The following MBNL1 variants were observed in gnomAD, a reference collection of about 807,000 sequenced individuals.
The protein encoded by MBNL1 is muscleblind-like protein 1.
Under a neutral mutation model 42.2 loss-of-function variants are expected in MBNL1, and 8 were observed. That is an observed-to-expected ratio of 0.19 (90% CI 0.11 to 0.34). The LOEUF (loss-of-function observed/expected upper bound fraction) is 0.34. Among genes scored for constraint, MBNL1 ranks in the 10% least tolerant of loss-of-function variants. The pLI is 1.00. For missense variants in MBNL1, 309 were observed against 495.3 expected (o/e 0.62, Z 3.57); for synonymous variants, 169 against 173.9 (o/e 0.97, Z 0.22).
chr3:152,270,306 A>T (rs1220198634), intron 1 of MBNL1, among the ~76,000 whole-genome samples: 11 of 152,196 alleles, frequency 7.2e-5, no homozygotes, highest in Non-Finnish European at 1.5e-5. Flanking sequence ...TTAATACGCT[A>T]GGAGAGAAGT....
intron 1 of MBNL1, among the ~76,000 whole-genome samples, chr3:152,275,662 C>G (rs1176422798): frequency 7.8e-6 from 1 of 128,590 alleles, no homozygotes; most frequent in Non-Finnish European, 1.6e-5. Context: ...GAGCTGAGAT[C>G]ATGCCACTGC....
At chr3:152,451,014 G>A (rs1721780279) in intron 6 of MBNL1, among the ~76,000 whole-genome samples, 1 of 152,184 alleles carries the variant, frequency 6.6e-6, no homozygotes, top group Admixed American at 6.5e-5. Flanking sequence ...AGAATTAGAT[G>A]ATCAAGGAAT....
intron 1 of MBNL1, among the ~76,000 whole-genome samples, chr3:152,274,450 T>G (rs1271944447): frequency 6.6e-6 from 1 of 152,148 alleles, no homozygotes; most frequent in African/African-American, 2.4e-5. Flanking sequence ...AAAGTGATAT[T>G]TAATAAACAA....
At chr3:152,264,454 A>G (rs1322093016), upstream of MBNL1, 2 of 152,164 alleles carry the variant, frequency 1.3e-5, no homozygotes, top group Non-Finnish European at 2.9e-5. Flanking sequence ...CTTACATTAA[A>G]CTGGGGAAAC....
rs141603542 is a variant in MBNL1 at position 152,408,230 on chromosome 3, T to C, written c.175-6711T>C. Among the ~76,000 whole-genome samples, 364 of 152,300 alleles carry C rather than the reference T, an allele frequency of 2.4e-3. 1 individual carries two copies. The highest frequency in any genetic ancestry group is 8.3e-3 in the African/African-American group (347 of 41,568). ...TTAAACATAGTAGATACATAATATTTACTTATTAACAGGATATATACTATG... is the reference window on the plus strand; with the variant it reads ...TTAAACATAGTAGATACATAATATTCACTTATTAACAGGATATATACTATG... On this transcript the variant is annotated intron_variant, in intron 2 of 9. Transcript: ENST00000324210.
chr3:152,290,810 C>T (rs539059836), intron 1 of MBNL1, among the ~76,000 whole-genome samples: 19 of 152,122 alleles, frequency 1.2e-4, no homozygotes, highest in African/African-American at 4.1e-4. Flanking sequence ...GACATTGTAA[C>T]GGGAATAACA....
rs555440573 is a variant in MBNL1 at position 152,431,384 on chromosome 3, AG to A, written c.346-1330del. On this transcript the variant is annotated intron_variant, in intron 3 of 9. Transcript: ENST00000324210. ...ATTTTATTTTTCTAAATATAGAATC[AG>A]GGCCAGAGTGAATAGAGGATATATT... Among the ~76,000 whole-genome samples the A allele has an allele frequency of 1.7e-4, 26 of 152,352 alleles. No individual in the cohort carries two copies. In the East Asian group the frequency reaches 3.9e-3, roughly 23 times the overall value.
At chr3:152,312,870 T>A (rs950750046) in intron 2 of MBNL1, among the ~76,000 whole-genome samples, 1 of 152,206 alleles carries the variant, frequency 6.6e-6, no homozygotes, top group African/African-American at 2.4e-5. Context: ...GTAATAAAAA[T>A]TATTTTGTAG....
At chr3:152,267,867 T>C (rs1347522306), upstream of MBNL1, 3 of 152,222 alleles carry the variant, frequency 2.0e-5, no homozygotes, top group African/African-American at 4.8e-5. Context: ...AAGAATGTTG[T>C]ACCATATCCA....
At chr3:152,298,272 T>C (rs1283951628) in intron 1 of MBNL1, among the ~76,000 whole-genome samples, 1 of 152,194 alleles carries the variant, frequency 6.6e-6, no homozygotes, top group Non-Finnish European at 1.5e-5. Context: ...GTTTTCCTCA[T>C]TGGCAACATT....
intron 2 of MBNL1, among the ~76,000 whole-genome samples, chr3:152,300,583 GT>G (rs150097739): frequency 2.0e-5 from 3 of 150,926 alleles, no homozygotes; most frequent in East Asian, 1.9e-4. Context: ...TTCACTGCAT[GT>G]TTTTTTTTGC....
Position 152,325,087 on chromosome 3 carries a change from G to GCCCCCCCCTC in MBNL1, c.174+24728_174+24729insTCCCCCCCCC. 1.3e-4 allele frequency among the ~76,000 whole-genome samples: 2 copies of GCCCCCCCCTC among 15,380 alleles called. 1 individual carries two copies. Among genetic ancestry groups the GCCCCCCCCTC allele is most frequent in the East Asian group, 6.4e-3 (2 of 314 alleles). The allele number at this position is 15,380 out of a possible 152,430, so 10.1% of individuals were successfully genotyped here. ...TGTTCCCATGTAATGCCACATACCC[G>GCCCCCCCCTC]CCCCCCCCCGCCCGCTTTTTTTTCA... On this transcript the variant is annotated intron_variant, in intron 2 of 9. Transcript: ENST00000324210.
At chr3:152,395,297 T>A (rs1185235089) in intron 2 of MBNL1, among the ~76,000 whole-genome samples, 1 of 152,262 alleles carries the variant, frequency 6.6e-6, no homozygotes, top group Admixed American at 6.5e-5. Flanking sequence ...ACGGAGTGAC[T>A]AGTACATTTT....
intron 2 of MBNL1, among the ~76,000 whole-genome samples, chr3:152,310,081 A>G (rs1326967312): frequency 6.6e-6 from 1 of 152,202 alleles, no homozygotes; most frequent in Non-Finnish European, 1.5e-5. Context: ...ACCGCTGCAT[A>G]GTCAGTGTAG....
At chr3:152,365,546 A>G (rs528178472) in intron 2 of MBNL1, among the ~76,000 whole-genome samples, 11 of 152,250 alleles carry the variant, frequency 7.2e-5, no homozygotes, top group Admixed American at 2.0e-4. Flanking sequence ...AGAGGTTGCT[A>G]AAAGGATGTA....
intron 2 of MBNL1, among the ~76,000 whole-genome samples, chr3:152,409,338 A>G (rs1233481448): frequency 6.6e-6 from 1 of 152,152 alleles, no homozygotes; most frequent in African/African-American, 2.4e-5. Context: ...CAGGCATTAG[A>G]ATTGATAACT....
chr3:152,322,460 A>G (rs999604623), intron 2 of MBNL1, among the ~76,000 whole-genome samples: 2 of 152,190 alleles, frequency 1.3e-5, no homozygotes, highest in African/African-American at 4.8e-5. Context: ...AGGCTATGTC[A>G]CGGAAATGCA....
intron 2 of MBNL1, among the ~76,000 whole-genome samples, chr3:152,356,167 T>A (rs981490563): frequency 2.6e-5 from 4 of 152,124 alleles, no homozygotes; most frequent in Non-Finnish European, 4.4e-5. Flanking sequence ...AACTTATGCT[T>A]TATGCTCAGA....
chr3:152,302,854 G>T (rs954390599), intron 2 of MBNL1, among the ~76,000 whole-genome samples: 5 of 152,078 alleles, frequency 3.3e-5, no homozygotes, highest in African/African-American at 1.2e-4. Context: ...GAGGTGGCCT[G>T]TGTAATCTAC....
Sources: gnomAD v4.1 joint callset for allele counts (sites outside exome capture counted in the v4.1 genomes callset) on GRCh38, gnomAD v4.1.1 for gene constraint, MANE v1.5 for transcripts, NCBI Gene and HGNC (gene_info 2026-07-23, HGNC 2026-07-21) for gene names.